The following PRPF6 variants were observed in gnomAD, a reference collection of about 807,000 sequenced individuals.
The protein encoded by PRPF6 is pre-mRNA processing factor 6.
In PRPF6, 42 loss-of-function variants were observed where a neutral mutation model predicts 118.3. That is an observed-to-expected ratio of 0.35 (90% confidence interval 0.28 to 0.46). The LOEUF (loss-of-function observed/expected upper bound fraction) is 0.46, where lower values mean the gene tolerates loss of function less well. Ranked by LOEUF, PRPF6 falls within the 20% of genes least tolerant of loss-of-function variation. The pLI, the probability that PRPF6 is intolerant of heterozygous loss-of-function variation, is 1.00. For synonymous variants in PRPF6, 481 were observed against 485.1 expected (o/e 0.99, Z 0.11); for missense variants, 662 against 1,255.7 (o/e 0.53, Z 7.15).
chr20:63,999,176 A>G (rs1569215334), intron 7 of PRPF6, 37 bp downstream of exon 7: 4 of 1,561,066 alleles, frequency 2.6e-6, no homozygotes, highest in African/African-American at 2.7e-5. Flanking sequence ...TGGGATGGAG[A>G]CTCTAGTTGC....
intron 12 of PRPF6, among the ~76,000 whole-genome samples, chr20:64,021,659 C>A (rs1049648074): frequency 1.4e-5 from 2 of 142,878 alleles, no homozygotes; most frequent in African/African-American, 5.3e-5. Flanking sequence ...GCATATGCCT[C>A]AGCCACAGCC....
chr20:63,990,208 G>C (rs2059112446), intron 3 of PRPF6, among the ~76,000 whole-genome samples: 1 of 152,166 alleles, frequency 6.6e-6, no homozygotes, highest in Admixed American at 6.5e-5. Flanking sequence ...GCTGCCTCGA[G>C]GACAGCACCA....
At position 64,011,138 on chromosome 20, in the gene PRPF6, G is replaced by A; in HGVS notation, c.1306-147G>A. The stretch of plus-strand genomic sequence containing the variant: ...AGTTGGTCAGGTGAGAAGTGCTGCT[G>A]TGGACACTTCTCAGGCCATGTTCAG... On this transcript the variant is annotated intron_variant, in intron 10 of 20. Coordinates refer to ENST00000266079, the MANE Select transcript of PRPF6 (RefSeq NM_012469.4). This position sits in a 1 kb window ranked among gnomAD's most constrained non-coding sequence, Gnocchi z 6.7. 1.4e-6 allele frequency: 1 copy of A among 724,582 alleles called. No homozygotes were observed. Among genetic ancestry groups the A allele is most frequent in the Non-Finnish European group, 2.5e-6 (1 of 407,740 alleles). The allele number at this position is 724,582 out of a possible 1,614,324, so 44.9% of individuals were successfully genotyped here.
chr20:64,007,502 C>T (rs1449495886), intron 9 of PRPF6, among the ~76,000 whole-genome samples: 1 of 148,550 alleles, frequency 6.7e-6, no homozygotes, highest in Non-Finnish European at 1.5e-5. Flanking sequence ...CCTCTTTTGC[C>T]TAGGCTGGAG....
At chr20:64,000,808 C>G (rs2059163225) in intron 8 of PRPF6, among the ~76,000 whole-genome samples, 1 of 152,132 alleles carries the variant, frequency 6.6e-6, no homozygotes, top group Non-Finnish European at 1.5e-5. Flanking sequence ...ACCTCATGAT[C>G]CACCTGCCTC....
At chr20:63,996,617 A>T (rs1156547391) in intron 6 of PRPF6, among the ~76,000 whole-genome samples, 1 of 152,152 alleles carries the variant, frequency 6.6e-6, no homozygotes, top group East Asian at 1.9e-4. Flanking sequence ...GCCCAGCCTG[A>T]AATTTGTTTA....
chr20:64,024,197 G>A (rs540927930), intron 13 of PRPF6, among the ~76,000 whole-genome samples: 5 of 152,270 alleles, frequency 3.3e-5, no homozygotes, highest in East Asian at 1.9e-4. Context: ...CAGTGGGTCC[G>A]GGGTGCGCTT....
chr20:64,016,823 C>T lies in PRPF6; in HGVS notation c.1625C>T (p.Thr542Ile), dbSNP rs1569221322. 2.5e-6 allele frequency: 4 copies of T among 1,614,158 alleles called. No homozygotes were observed. Among genetic ancestry groups the T allele is most frequent in the Non-Finnish European group, 3.4e-6 (4 of 1,180,026 alleles). Residue 542 changes from threonine to isoleucine, a missense_variant, in exon 12 of 21, where the codon ACC becomes ATC. Physicochemically the swap from Thr to Ile is moderately conservative, Grantham distance 89 (BLOSUM62 -1). Transcript: ENST00000266079. ...IGIEEEDRKH[T>I]WMEDADSCVA... The stretch of plus-strand genomic sequence containing the variant: ...ATTGAGGAGGAAGATCGGAAGCATA[C>T]CTGGATGGAGGATGCTGACAGTGTG...
intron 3 of PRPF6, among the ~76,000 whole-genome samples, chr20:63,987,712 ACT>A (rs1234253997): frequency 6.6e-6 from 1 of 152,182 alleles, no homozygotes; most frequent in African/African-American, 2.4e-5. Context: ...AACCCTAAAG[ACT>A]CTACCAAAAC....
chr20:63,981,648 C>T (rs147176547), intron 1 of PRPF6, among the ~76,000 whole-genome samples: 4 of 143,486 alleles, frequency 2.8e-5, no homozygotes, highest in Admixed American at 6.9e-5. Context: ...GACACTCCCC[C>T]CCCCCGCCCG....
chr20:64,032,613 C>A (rs1346140996), intron 20 of PRPF6, among the ~76,000 whole-genome samples: 3 of 152,212 alleles, frequency 2.0e-5, no homozygotes, highest in Non-Finnish European at 4.4e-5. Context: ...CTCAGTTCCT[C>A]ATCTGTGGGC....
At chr20:64,005,639 G>A (rs1280558088) in intron 9 of PRPF6, among the ~76,000 whole-genome samples, 3 of 152,084 alleles carry the variant, frequency 2.0e-5, no homozygotes, top group Admixed American at 1.3e-4. Context: ...GAGCAGTGTT[G>A]CAATCAGCTC....
Position 64,029,309 on chromosome 20 carries a change from T to G in PRPF6, c.2432-68T>G. 1 of 1,423,772 alleles carries G rather than the reference T, an allele frequency of 7.0e-7. No homozygotes were observed. Among genetic ancestry groups the G allele is most frequent in the Non-Finnish European group, 9.9e-7 (1 of 1,009,486 alleles). 88.2% of individuals were successfully genotyped at this position (1,423,772 alleles called of 1,614,324 possible). On this transcript the variant is annotated intron_variant, in intron 18 of 20. Transcript: ENST00000266079. This position sits in a 1 kb window ranked among gnomAD's most constrained non-coding sequence, Gnocchi z 4.8. ...TGAGGACGTCCCGGGTTAGAATCTG[T>G]AGGCTGGGCACCTTTCCGGAACCAG... is the stretch of plus-strand genomic sequence containing the variant.
chr20:64,031,498 C>T (rs1372826027), intron 19 of PRPF6, among the ~76,000 whole-genome samples: 1 of 152,006 alleles, frequency 6.6e-6, no homozygotes, highest in Non-Finnish European at 1.5e-5. Context: ...CACAGTGAAA[C>T]CCCATCTCTA....
intron 19 of PRPF6, among the ~76,000 whole-genome samples, chr20:64,030,037 CT>C (rs1425483415): frequency 6.6e-6 from 1 of 152,248 alleles, no homozygotes; most frequent in Non-Finnish European, 1.5e-5. Context: ...ACTCTGGAAC[CT>C]TGCAGGCAGC....
chr20:63,997,952 C>G (rs1255751332), intron 6 of PRPF6, among the ~76,000 whole-genome samples: 1 of 152,158 alleles, frequency 6.6e-6, no homozygotes, highest in African/African-American at 2.4e-5. Context: ...TCTATGTAGA[C>G]CGCATTCGCT....
chr20:64,010,050 C>A, intron 9 of PRPF6, 150 bp from the exon 10 acceptor site: 1 of 771,196 alleles, frequency 1.3e-6, no homozygotes, highest in Non-Finnish European at 2.3e-6. Flanking sequence ...TGCCCCAGAC[C>A]TGAAGGAAGC....
At chr20:64,020,785 A>ATTT (rs10670252) in intron 12 of PRPF6, among the ~76,000 whole-genome samples, 16 of 134,168 alleles carry the variant, frequency 1.2e-4, no homozygotes, top group East Asian at 2.2e-4. Context: ...ACTATACCTA[A>ATTT]TTTTTTTTTT....
At chr20:64,001,326 G>A (rs893148317) in intron 9 of PRPF6, 87 bp downstream of exon 9, 5 of 1,495,168 alleles carry the variant, frequency 3.3e-6, no homozygotes, top group Non-Finnish European at 3.7e-6. Context: ...GGCTTTTGGT[G>A]AGAGTGGATA....
Sources: gnomAD v4.1 joint callset for allele counts (sites outside exome capture counted in the v4.1 genomes callset) on GRCh38, gnomAD v4.1.1 for gene constraint, Gnocchi (gnomAD v3.1) non-coding constraint, MANE v1.5 for transcripts, NCBI Gene and HGNC (gene_info 2026-07-23, HGNC 2026-07-21) for gene names.